Variants in SYT9 observed in about 807,000 individuals in gnomAD.
SYT9 encodes synaptotagmin 9, also known as synaptotagmin-9.
Under a neutral mutation model 48.4 loss-of-function variants are expected in SYT9, and 22 were observed. The ratio of observed to expected loss-of-function variants is 0.45; its 90% CI spans 0.32 to 0.65. The LOEUF is 0.65. SYT9 is among the 30% of genes least tolerant of loss of function. SYT9 has a pLI of 0.03. For synonymous variants in SYT9, 265 were observed against 245.0 expected (o/e 1.08, Z -0.76); for missense variants, 577 against 622.0 (o/e 0.93, Z 0.77).
intron 3 of SYT9, among the ~76,000 whole-genome samples, chr11:7,380,108 C>T (rs1054015634): frequency 6.6e-6 from 1 of 152,020 alleles, no homozygotes; most frequent in African/African-American, 2.4e-5. Context: ...TACTACTCAG[C>T]CATAAAAAGG....
chr11:7,337,295 G>A (rs1264262543), intron 3 of SYT9, among the ~76,000 whole-genome samples: 2 of 152,058 alleles, frequency 1.3e-5, no homozygotes, highest in African/African-American at 2.4e-5. Flanking sequence ...TCTGCAACCC[G>A]AGATAGTCTG....
chr11:7,454,042 C>A (rs1564909700), intron 6 of SYT9: 3 of 985,300 alleles, frequency 3.0e-6, no homozygotes, highest in Non-Finnish European at 3.6e-6. Flanking sequence ...AGCTTCCCCA[C>A]AGGGCAGGAT....
chr11:7,294,997 C>T (rs1045409869), intron 1 of SYT9, among the ~76,000 whole-genome samples: 2 of 152,212 alleles, frequency 1.3e-5, no homozygotes, highest in African/African-American at 4.8e-5. Context: ...TTCAAATTGG[C>T]AGTTTCTCTG....
At chr11:7,357,809 A>C (rs1219347702) in intron 3 of SYT9, among the ~76,000 whole-genome samples, 1 of 152,134 alleles carries the variant, frequency 6.6e-6, no homozygotes, top group African/African-American at 2.4e-5. Context: ...ATGAAAACCA[A>C]TGTAACCATT....
chr11:7,371,866 T>G (rs1398441267), intron 3 of SYT9, among the ~76,000 whole-genome samples: 1 of 152,196 alleles, frequency 6.6e-6, no homozygotes, highest in Non-Finnish European at 1.5e-5. Context: ...TTACCCTGTA[T>G]GAATATAGCA....
chr11:7,300,585 C>T (rs1284514854), intron 1 of SYT9, among the ~76,000 whole-genome samples: 3 of 152,218 alleles, frequency 2.0e-5, no homozygotes, highest in African/African-American at 7.2e-5. Flanking sequence ...TGGTGGTGGT[C>T]TCCTAGCAGT....
intron 3 of SYT9, among the ~76,000 whole-genome samples, chr11:7,365,170 T>G (rs2134021191): frequency 6.6e-6 from 1 of 152,086 alleles, no homozygotes; most frequent in East Asian, 1.9e-4. Flanking sequence ...CATTTTTGTC[T>G]TCATGATTGT....
chr11:7,388,904 C>T (rs1160024103), intron 3 of SYT9, among the ~76,000 whole-genome samples: 1 of 152,080 alleles, frequency 6.6e-6, no homozygotes, highest in Non-Finnish European at 1.5e-5. Context: ...CTTTGGTCTC[C>T]GGGTGAAAAT....
intron 1 of SYT9, among the ~76,000 whole-genome samples, chr11:7,240,249 C>T (rs1336013386): frequency 1.3e-5 from 2 of 152,154 alleles, no homozygotes; most frequent in Non-Finnish European, 2.9e-5. Context: ...CACCCCATTC[C>T]ATTCCTGGCT....
At chr11:7,251,867 C>A (rs563944786), upstream of SYT9, 38 of 247,254 alleles carry the variant, frequency 1.5e-4, no homozygotes, top group South Asian at 6.1e-3. Context: ...CGCCCCCCGG[C>A]GGCCGCGAGT....
chr11:7,274,420 G>T (rs1448328338), intron 1 of SYT9, among the ~76,000 whole-genome samples: 1 of 150,464 alleles, frequency 6.6e-6, no homozygotes, highest in Non-Finnish European at 1.5e-5. Flanking sequence ...GGGTTCAAGC[G>T]ATTCTCCTGC....
At chr11:7,372,576 C>G (rs1850382178) in intron 3 of SYT9, among the ~76,000 whole-genome samples, 1 of 152,120 alleles carries the variant, frequency 6.6e-6, no homozygotes, top group Non-Finnish European at 1.5e-5. Context: ...TCTATGTTGC[C>G]CAGACTGGTC....
At chr11:7,315,177 C>A (rs1019675764) in intron 3 of SYT9, among the ~76,000 whole-genome samples, 1 of 152,174 alleles carries the variant, frequency 6.6e-6, no homozygotes, top group South Asian at 2.1e-4. Context: ...CAGAGAATAG[C>A]AGTTGATGAA....
chr11:7,401,457 C>T (rs1212254290), intron 3 of SYT9, among the ~76,000 whole-genome samples: 2 of 151,748 alleles, frequency 1.3e-5, no homozygotes, highest in Non-Finnish European at 2.9e-5. Context: ...GAAGTGTTCT[C>T]ACCTCTTTTG....
intron 3 of SYT9, among the ~76,000 whole-genome samples, chr11:7,376,609 C>T (rs12786022): frequency 0.26 from 39,304 of 151,792 alleles, 5,232 homozygotes; most frequent in Middle Eastern, 0.3. Flanking sequence ...TGACCTTGGG[C>T]TGTTACCAAG....
intron 6 of SYT9, chr11:7,450,426 GC>G (rs1848026432): frequency 6.6e-6 from 1 of 152,158 alleles, no homozygotes; most frequent in Non-Finnish European, 1.5e-5. Context: ...GAAGACGGGG[GC>G]TTCTTCAGCT....
intron 6 of SYT9, among the ~76,000 whole-genome samples, chr11:7,443,105 A>G (rs1847858531): frequency 1.3e-5 from 2 of 152,184 alleles, no homozygotes; most frequent in South Asian, 2.1e-4. Flanking sequence ...GGAAGTCTAG[A>G]TTTGCTCATT....
chr11:7,334,090 C>CA (rs1849591713), intron 3 of SYT9, among the ~76,000 whole-genome samples: 1 of 152,070 alleles, frequency 6.6e-6, no homozygotes, highest in African/African-American at 2.4e-5. Flanking sequence ...TGAAGAAGGG[C>CA]AGAGTCCCAC....
chr11:7,252,544 G>T lies in SYT9; in HGVS notation c.145+213G>T, dbSNP rs1847892311. Among the ~76,000 whole-genome samples, 1 of 152,176 alleles carries T rather than the reference G, an allele frequency of 6.6e-6. No individual in the cohort carries two copies. Among genetic ancestry groups the T allele is most frequent in the Admixed American group, 6.5e-5 (1 of 15,288 alleles). On this transcript the variant is annotated intron_variant, in intron 1 of 6. Coordinates refer to ENST00000318881, the MANE Select transcript of SYT9 (RefSeq NM_175733.4). This position sits in a 1 kb window ranked among gnomAD's most constrained non-coding sequence, Gnocchi z 6.3. Reference sequence around the variant, plus strand: ...TGGCTACTGCACGGAGGCCGACTCCGGGTCGGCTAGGGCAGGGTTGGAGGG... The same window carrying T: ...TGGCTACTGCACGGAGGCCGACTCCTGGTCGGCTAGGGCAGGGTTGGAGGG...
Sources: allele counts gnomAD v4.1 joint callset (sites outside exome capture counted in the v4.1 genomes callset), GRCh38; gene constraint gnomAD v4.1.1; non-coding constraint Gnocchi (gnomAD v3.1); transcripts MANE v1.5; gene names NCBI Gene and HGNC (gene_info 2026-07-23, HGNC 2026-07-21).